UPF2: variants seen among roughly 807,000 people sequenced by gnomAD.
UPF2 encodes the protein UPF2 regulator of nonsense mediated mRNA decay.
UPF2 carries 17 observed loss-of-function variants against 141.4 expected under a neutral mutation model. The ratio of observed to expected loss-of-function variants is 0.12; its 90% CI spans 0.08 to 0.18. UPF2 has a LOEUF of 0.18. UPF2 is among the 10% of genes least tolerant of loss of function. The pLI is 1.00. For missense variants in UPF2, 1,152 were observed against 1,515.9 expected (o/e 0.76, Z 3.99); for synonymous variants, 540 against 498.0 (o/e 1.08, Z -1.12).
chr10:11,948,625 G>T, intron 15 of UPF2, 117 bp from the exon 16 acceptor site: 2 of 1,169,106 alleles, frequency 1.7e-6, no homozygotes, highest in Non-Finnish European at 2.4e-6. Context: ...CATTTTCTCA[G>T]AACAAAGGTA....
At chr10:12,038,183 G>A (rs1422939752) in intron 1 of UPF2, among the ~76,000 whole-genome samples, 1 of 152,082 alleles carries the variant, frequency 6.6e-6, no homozygotes, top group Non-Finnish European at 1.5e-5. Context: ...AGGAGTTTGA[G>A]TCCAGCCTGG....
At chr10:12,007,063 G>A (rs1339381019) in intron 4 of UPF2, among the ~76,000 whole-genome samples, 5 of 152,248 alleles carry the variant, frequency 3.3e-5, no homozygotes, top group East Asian at 1.9e-4. Flanking sequence ...TAAGTTGCCC[G>A]GTCTAGGGTA....
intron 9 of UPF2, among the ~76,000 whole-genome samples, chr10:11,971,611 T>A (rs562737990): frequency 6.6e-6 from 1 of 152,334 alleles, no homozygotes; most frequent in South Asian, 2.1e-4. Context: ...TCTGGATGAA[T>A]TCACAATGTA....
At chr10:11,966,576 C>T (rs566262641) in intron 10 of UPF2, among the ~76,000 whole-genome samples, 1 of 152,134 alleles carries the variant, frequency 6.6e-6, no homozygotes, top group African/African-American at 2.4e-5. Context: ...AGGTGCATAC[C>T]ACCATGCCTG....
In UPF2 at chr10:11,929,876, C is replaced by T; in HGVS notation, c.3798G>A (p.Lys1266=). Residue 1266 remains lysine (K), a synonymous_variant, in exon 21 of 22, where the codon AAG becomes AAA. Coordinates refer to ENST00000357604, the MANE Select transcript of UPF2 (RefSeq NM_015542.4). ...AATGACTGCTTTACCTCCCACCAGT[C>T]TTAAAGATTAGATCTGCATTAGGTG... is the stretch of plus-strand genomic sequence containing the variant. ...KGAPNADLIF[K]TGGRRR is the part of the protein sequence containing the mutation. 1 of 1,614,188 alleles carries T rather than the reference C, an allele frequency of 6.2e-7. No individual in the cohort carries two copies. The highest frequency in any genetic ancestry group is 2.2e-5 in the East Asian group (1 of 44,884).
At chr10:12,036,818 G>C (rs2131318451) in intron 1 of UPF2, among the ~76,000 whole-genome samples, 1 of 152,280 alleles carries the variant, frequency 6.6e-6, no homozygotes, top group Admixed American at 6.5e-5. Context: ...CTGAAGTCGA[G>C]AGTTCGAGAC....
At chr10:11,999,023 C>CAAA (rs567447054) in intron 7 of UPF2, among the ~76,000 whole-genome samples, 10 of 113,440 alleles carry the variant, frequency 8.8e-5, no homozygotes, top group Non-Finnish European at 1.4e-4. Context: ...AGACTCCACT[C>CAAA]AAAAAAAAAA....
chr10:11,961,354 T>TC (rs1318977529), intron 11 of UPF2, among the ~76,000 whole-genome samples: 3 of 151,976 alleles, frequency 2.0e-5, no homozygotes, highest in African/African-American at 7.2e-5. Context: ...GGAAGGTTTT[T>TC]CTGAGAAAGT....
At chr10:11,976,114 A>G (rs1833503320) in intron 9 of UPF2, among the ~76,000 whole-genome samples, 1 of 152,162 alleles carries the variant, frequency 6.6e-6, no homozygotes, top group African/African-American at 2.4e-5. Context: ...ACCTTTTCTA[A>G]TCGTCAGTGA....
chr10:11,977,072 G>A (rs1231503231), intron 9 of UPF2, among the ~76,000 whole-genome samples: 2 of 152,128 alleles, frequency 1.3e-5, no homozygotes, highest in Non-Finnish European at 2.9e-5. Context: ...CCAACTAACA[G>A]GCAACTGGAA....
chr10:12,039,482 G>A (rs974363954), intron 1 of UPF2, among the ~76,000 whole-genome samples: 2 of 152,136 alleles, frequency 1.3e-5, no homozygotes, highest in African/African-American at 4.8e-5. Context: ...TGATCTTATT[G>A]AAGGATATTA....
chr10:12,013,600 T>C (rs923657526), intron 4 of UPF2, among the ~76,000 whole-genome samples: 2 of 151,866 alleles, frequency 1.3e-5, no homozygotes, highest in African/African-American at 2.4e-5. Flanking sequence ...GTAAACAGAA[T>C]TGCCAGGAAA....
At chr10:11,932,774 T>C (rs1832798444) in intron 19 of UPF2, among the ~76,000 whole-genome samples, 1 of 152,174 alleles carries the variant, frequency 6.6e-6, no homozygotes, top group African/African-American at 2.4e-5. Flanking sequence ...AGCTGATATT[T>C]TGCAGCTACT....
In UPF2 at chr10:11,998,661, T is replaced by C. The variant is rs1588560730; in HGVS notation, c.1759-904A>G. Among the ~76,000 whole-genome samples, 1 of 152,252 alleles carries C rather than the reference T, an allele frequency of 6.6e-6. No homozygotes were observed. Among genetic ancestry groups the C allele is most frequent in the East Asian group, 1.9e-4 (1 of 5,180 alleles). The stretch of plus-strand genomic sequence containing the variant: ...TGAGGTCAGGAGTTCAAGACCAGCC[T>C]GGCCAACATAGTGAAACCCTGTCTC... On this transcript the variant is annotated intron_variant, in intron 7 of 21. Coordinates refer to ENST00000357604, the MANE Select transcript of UPF2 (RefSeq NM_015542.4). The surrounding 1 kb of genome is among the most constrained non-coding windows in gnomAD (Gnocchi z 4.5).
intron 9 of UPF2, among the ~76,000 whole-genome samples, chr10:11,969,613 G>C (rs1833381766): frequency 6.6e-6 from 1 of 152,220 alleles, no homozygotes; most frequent in African/African-American, 2.4e-5. Flanking sequence ...TTGTAATTTA[G>C]AAAGAAGTAC....
intron 3 of UPF2, among the ~76,000 whole-genome samples, chr10:12,022,994 T>C (rs1834344674): frequency 6.6e-6 from 1 of 152,146 alleles, no homozygotes; most frequent in African/African-American, 2.4e-5. Flanking sequence ...GAAGAGAAAC[T>C]TGTTACCACT....
chr10:11,929,701 T>A (rs1832759280), intron 21 of UPF2, among the ~76,000 whole-genome samples, 164 bp downstream of exon 21: 1 of 152,244 alleles, frequency 6.6e-6, no homozygotes, highest in Non-Finnish European at 1.5e-5. Context: ...AAGCAGGTTT[T>A]TCCCCCTCAA....
intron 17 of UPF2, 27 bp from the exon 18 acceptor site, chr10:11,942,790 G>A (rs752863392): frequency 2.5e-6 from 4 of 1,600,924 alleles, no homozygotes; most frequent in Non-Finnish European, 3.4e-6. Flanking sequence ...AACAAAATCA[G>A]ACCAGAAATT....
At chr10:11,995,371 C>T (rs1450682487) in intron 8 of UPF2, among the ~76,000 whole-genome samples, 1 of 152,218 alleles carries the variant, frequency 6.6e-6, no homozygotes, top group African/African-American at 2.4e-5. Flanking sequence ...CATTACATAT[C>T]TTGTTACCTA....
Sources: gnomAD v4.1 joint callset for allele counts (sites outside exome capture counted in the v4.1 genomes callset) on GRCh38, gnomAD v4.1.1 for gene constraint, Gnocchi (gnomAD v3.1) non-coding constraint, MANE v1.5 for transcripts, NCBI Gene and HGNC (gene_info 2026-07-23, HGNC 2026-07-21) for gene names.